Variants in BMP2K observed in about 807,000 individuals in gnomAD.
BMP2K encodes the protein BMP-2-inducible protein kinase.
Under a neutral mutation model 116.0 loss-of-function variants are expected in BMP2K, and 74 were observed. The observed-to-expected ratio is 0.64, with a 90% confidence interval of 0.53 to 0.77. BMP2K has a LOEUF of 0.77. Ranked by LOEUF, BMP2K falls within the 30% of genes least tolerant of loss-of-function variation. The pLI, the probability that BMP2K is intolerant of heterozygous loss-of-function variation, is 0.00. For missense variants in BMP2K, 1,365 were observed against 1,403.6 expected (o/e 0.97, Z 0.44); for synonymous variants, 486 against 502.5 (o/e 0.97, Z 0.44).
rs149298862 is a variant in BMP2K, at chr4:78,830,126, C to T, written c.298-3456C>T. Among the ~76,000 whole-genome samples, 41 of 152,228 alleles carry T rather than the reference C, an allele frequency of 2.7e-4. No individual in the cohort carries two copies. The East Asian group carries it at 7.1e-3, about 27-fold the overall frequency. ...TCCTGAGCTTAAGCTATCTGCCCCC[C>T]GTGGATTCCCAAAATGCTAGGATTA... On this transcript the variant is annotated intron_variant, in intron 2 of 15. Coordinates refer to ENST00000502613, the MANE Select transcript of BMP2K (RefSeq NM_198892.2).
chr4:78,782,595 GACAA>G (rs769918968), intron 1 of BMP2K, among the ~76,000 whole-genome samples: 1 of 152,104 alleles, frequency 6.6e-6, no homozygotes, highest in East Asian at 1.9e-4. Context: ...GTTTGGTGAA[GACAA>G]ACAACCGTTA....
intron 1 of BMP2K, among the ~76,000 whole-genome samples, chr4:78,825,571 T>G (rs1395718834): frequency 6.6e-6 from 1 of 152,220 alleles, no homozygotes; most frequent in Non-Finnish European, 1.5e-5. Context: ...GGAAATGAGA[T>G]TCCTGTGATG....
chr4:78,818,665 G>A (rs188716515), intron 1 of BMP2K, among the ~76,000 whole-genome samples: 173 of 152,162 alleles, frequency 1.1e-3, no homozygotes, highest in African/African-American at 3.9e-3. Context: ...TGGTTAAGCA[G>A]TTAAGTATAG....
chr4:78,880,742 C>T (rs964085630), intron 14 of BMP2K, among the ~76,000 whole-genome samples: 4 of 152,168 alleles, frequency 2.6e-5, no homozygotes, highest in African/African-American at 9.7e-5. Context: ...TAGCTTAAAA[C>T]TTCATGATCA....
chr4:78,897,712 A>G (rs185226479), intron 15 of BMP2K, among the ~76,000 whole-genome samples: 1 of 152,256 alleles, frequency 6.6e-6, no homozygotes, highest in African/African-American at 2.4e-5. Flanking sequence ...TTATATTTGC[A>G]TTGGTGCCTC....
At chr4:78,888,770 T>C (rs1464482627) in intron 15 of BMP2K, among the ~76,000 whole-genome samples, 1 of 152,192 alleles carries the variant, frequency 6.6e-6, no homozygotes, top group Non-Finnish European at 1.5e-5. Context: ...GATTTTAAGC[T>C]AATTGAGGGT....
chr4:78,841,405 T>C (rs1331779770), intron 3 of BMP2K, among the ~76,000 whole-genome samples: 2 of 152,014 alleles, frequency 1.3e-5, no homozygotes, highest in Non-Finnish European at 2.9e-5. Flanking sequence ...AAAGAATCAT[T>C]ATTAGACTAT....
intron 12 of BMP2K, chr4:78,872,303 CTTTTTTT>C (rs34599936): frequency 1.1e-4 from 10 of 92,312 alleles, no homozygotes; most frequent in African/African-American, 1.7e-4. Context: ...ATAATTTGAC[CTTTTTTT>C]TTTTTTTTTT....
intron 15 of BMP2K, among the ~76,000 whole-genome samples, chr4:78,898,676 T>C (rs890734619): frequency 2.0e-5 from 3 of 150,620 alleles, no homozygotes; most frequent in Non-Finnish European, 4.4e-5. Flanking sequence ...AAAAAGACCA[T>C]TGCTCCTCAA....
At chr4:78,854,652 TG>T (rs1250495514) in intron 7 of BMP2K, among the ~76,000 whole-genome samples, 1 of 152,100 alleles carries the variant, frequency 6.6e-6, no homozygotes, top group African/African-American at 2.4e-5. Context: ...CCTGAGTAAC[TG>T]GTACTACACG....
At chr4:78,853,627 G>GTA (rs1731364602) in intron 7 of BMP2K, among the ~76,000 whole-genome samples, 1 of 152,136 alleles carries the variant, frequency 6.6e-6, no homozygotes, top group East Asian at 1.9e-4. Flanking sequence ...GATTAAAGAA[G>GTA]TACATTGCAG....
At chr4:78,892,295 A>C (rs1003644841) in intron 15 of BMP2K, among the ~76,000 whole-genome samples, 9 of 152,170 alleles carry the variant, frequency 5.9e-5, no homozygotes, top group African/African-American at 1.7e-4. Context: ...CAGTTTTCTT[A>C]CATTGTAAAT....
intron 1 of BMP2K, among the ~76,000 whole-genome samples, chr4:78,817,448 T>A (rs1319161633): frequency 6.6e-6 from 1 of 152,176 alleles, no homozygotes; most frequent in East Asian, 1.9e-4. Context: ...GTGCTACGCT[T>A]ACAATTACTC....
chr4:78,859,453 A>G, intron 7 of BMP2K, 131 bp from the exon 8 acceptor site: 1 of 539,234 alleles, frequency 1.9e-6, no homozygotes, highest in South Asian at 3.6e-5. Context: ...AGGCATTAAT[A>G]AAGTTTGCTA....
intron 3 of BMP2K, among the ~76,000 whole-genome samples, chr4:78,838,636 A>C (rs1730609275): frequency 6.6e-6 from 1 of 152,238 alleles, no homozygotes; most frequent in Non-Finnish European, 1.5e-5. Flanking sequence ...CATTACATAA[A>C]ATTGTTTAAC....
chr4:78,912,008 C>A lies in BMP2K; in HGVS notation c.3461C>A (p.Ala1154Asp). Reference protein sequence around the residue: ...SQPVELDPFGAAPFPSKQ With the variant: ...SQPVELDPFGDAPFPSKQ The stretch of plus-strand genomic sequence containing the variant: ...CCAGTCGAATTAGACCCATTTGGTG[C>A]TGCTCCATTTCCTTCTAAACAGTAG... Residue 1154 changes from alanine (A) to aspartate (D), a missense_variant, in exon 16 of 16, where the codon GCT becomes GAT. By Grantham distance (126) the Ala-to-Asp change is moderately radical. Coordinates refer to ENST00000502613, the MANE Select transcript of BMP2K (RefSeq NM_198892.2). 1 of 1,612,218 alleles carries A rather than the reference C, an allele frequency of 6.2e-7. No homozygotes were observed. Among genetic ancestry groups the A allele is most frequent in the Non-Finnish European group, 8.5e-7 (1 of 1,178,844 alleles).
intron 3 of BMP2K, 142 bp downstream of exon 3, chr4:78,833,829 A>AT (rs1412494078): frequency 1.6e-6 from 1 of 609,274 alleles, no homozygotes; most frequent in Non-Finnish European, 2.8e-6. Flanking sequence ...AATTAGGAAT[A>AT]TTGTTAAAAC....
Position 78,911,602 on chromosome 4 carries a change from C to T in BMP2K, c.3055C>T (p.Arg1019Cys). ...TACCTATCGCACTCCAGAGAGGGCTCGCAGGCACAAAAAAGTGGGCCGCCG... is the reference window on the plus strand; with the variant it reads ...TACCTATCGCACTCCAGAGAGGGCTTGCAGGCACAAAAAAGTGGGCCGCCG... Reference protein sequence around the residue: ...KPTYRTPERARRHKKVGRRDS... With the variant: ...KPTYRTPERACRHKKVGRRDS... Residue 1019 changes from arginine (R) to cysteine (C), a missense_variant, in exon 16 of 16, where the codon CGC (arginine) becomes TGC (cysteine). Arg to Cys is a radical substitution (Grantham distance 180). Coordinates refer to ENST00000502613, the MANE Select transcript of BMP2K (RefSeq NM_198892.2). 6.2e-7 allele frequency: 1 copy of T among 1,613,794 alleles called. No individual in the cohort carries two copies.
intron 15 of BMP2K, among the ~76,000 whole-genome samples, chr4:78,908,083 G>A (rs1260744910): frequency 6.6e-6 from 1 of 151,926 alleles, no homozygotes; most frequent in Non-Finnish European, 1.5e-5. Flanking sequence ...AGTCAAACTT[G>A]AGAATCTGCA....
Sources: allele counts gnomAD v4.1 joint callset (sites outside exome capture counted in the v4.1 genomes callset), GRCh38; gene constraint gnomAD v4.1.1; transcripts MANE v1.5; gene names NCBI Gene and HGNC (gene_info 2026-07-23, HGNC 2026-07-21).